BNC2: variants seen among roughly 807,000 people sequenced by gnomAD.
The protein encoded by BNC2 is zinc finger protein basonuclin-2.
BNC2 carries 20 observed loss-of-function variants against 76.3 expected under a neutral mutation model. The ratio of observed to expected loss-of-function variants is 0.26; its 90% CI spans 0.18 to 0.38. The LOEUF (loss-of-function observed/expected upper bound fraction) is 0.38, where lower values mean the gene tolerates loss of function less well. BNC2 is among the 10% of genes least tolerant of loss of function. The pLI is 1.00. For synonymous variants in BNC2, 582 were observed against 514.8 expected, an observed-to-expected ratio of 1.13 and a Z score of -1.77; for missense variants, 1,382 against 1,399.8, an observed-to-expected ratio of 0.99 and a Z score of 0.20.
chr9:16,475,475 G>A lies in BNC2; in HGVS notation c.670-37951C>T, dbSNP rs534938844. On this transcript the variant is annotated intron_variant, in intron 5 of 6. Transcript: ENST00000380672. ...GAAGACGCAAAACCATTAGCATTAC[G>A]CTACAGCTCACTTAAGCATCCACTC... Among the ~76,000 whole-genome samples, 22 of 150,438 alleles carry A rather than the reference G, an allele frequency of 1.5e-4. No homozygotes were observed. In the South Asian group the frequency reaches 4.4e-3, roughly 30 times the overall value.
chr9:16,626,656 A>G (rs1354657703), intron 3 of BNC2, among the ~76,000 whole-genome samples: 1 of 152,118 alleles, frequency 6.6e-6, no homozygotes, highest in African/African-American at 2.4e-5. Flanking sequence ...CTTCTTGCCT[A>G]GCCTACGAAA....
chr9:16,655,187 A>G (rs565478798), intron 3 of BNC2, among the ~76,000 whole-genome samples: 1 of 152,116 alleles, frequency 6.6e-6, no homozygotes, highest in South Asian at 2.1e-4. Context: ...TGGGGGAGGG[A>G]AAATCATTAC....
chr9:16,615,157 A>C (rs1820664855), intron 3 of BNC2, among the ~76,000 whole-genome samples: 1 of 152,166 alleles, frequency 6.6e-6, no homozygotes. Flanking sequence ...TGCCATAATT[A>C]ACGAATGGTG....
At chr9:16,421,144 C>T in intron 6 of BNC2, 1 of 474,070 alleles carries the variant, frequency 2.1e-6, no homozygotes, top group Non-Finnish European at 3.2e-6. Context: ...GCCTCAGAGA[C>T]AAGAAAGGTG....
intron 3 of BNC2, among the ~76,000 whole-genome samples, chr9:16,598,976 TAAC>T (rs1289693398): frequency 8.5e-5 from 13 of 152,138 alleles, no homozygotes; most frequent in African/African-American, 2.9e-4. Context: ...ATGAATAAAT[TAAC>T]AACAAAAGTA....
chr9:16,685,334 T>C (rs1184946216), intron 3 of BNC2, among the ~76,000 whole-genome samples: 2 of 152,260 alleles, frequency 1.3e-5, no homozygotes, highest in African/African-American at 4.8e-5. Flanking sequence ...ACAGTATGTA[T>C]ATATGTCTTG....
intron 5 of BNC2, among the ~76,000 whole-genome samples, chr9:16,449,256 C>A (rs77677727): frequency 0.014 from 2,131 of 152,312 alleles, 24 homozygotes; most frequent in Non-Finnish European, 0.023. Flanking sequence ...ATTTGGAGAG[C>A]TGCAAACGTG....
At chr9:16,542,059 C>G (rs1419865649) in intron 5 of BNC2, among the ~76,000 whole-genome samples, 1 of 151,994 alleles carries the variant, frequency 6.6e-6, no homozygotes, top group East Asian at 1.9e-4. Flanking sequence ...AATACAGTAA[C>G]CACATTACTC....
In BNC2 at chr9:16,552,602, T is replaced by C; in HGVS notation, c.597A>G (p.Gln199=). The change falls in exon 5 of 7, where the codon CAA becomes CAG. Residue 199 remains glutamine, a synonymous_variant. Transcript: ENST00000380672. ...LLDRLFSVLK[Q]EEVLHILHGL... The stretch of plus-strand genomic sequence containing the variant: ...CGTGCAGTATGTGCAGTACCTCCTC[T>C]TGCTTCAGGACGCTGAAGAGACGGT... 1 of 1,614,226 alleles carries C rather than the reference T, an allele frequency of 6.2e-7. No homozygotes were observed. Among genetic ancestry groups the C allele is most frequent in the African/African-American group, 1.3e-5 (1 of 75,064 alleles).
chr9:16,576,733 A>G (rs1436470196), intron 4 of BNC2, among the ~76,000 whole-genome samples: 1 of 152,190 alleles, frequency 6.6e-6, no homozygotes, highest in Admixed American at 6.6e-5. Context: ...GATATAATCA[A>G]CAGCTTTTTT....
chr9:16,794,389 T>A (rs938552463), intron 1 of BNC2, among the ~76,000 whole-genome samples: 1 of 152,192 alleles, frequency 6.6e-6, no homozygotes, highest in African/African-American at 2.4e-5. Flanking sequence ...TCCTGTCTGT[T>A]CATTAAGACC....
chr9:16,620,191 G>C (rs887746413), intron 3 of BNC2, among the ~76,000 whole-genome samples: 2 of 152,142 alleles, frequency 1.3e-5, no homozygotes, highest in South Asian at 4.1e-4. Flanking sequence ...CAGAGCCAAA[G>C]GGAGAGAAAA....
intron 3 of BNC2, among the ~76,000 whole-genome samples, chr9:16,715,364 T>C (rs544540489): frequency 6.6e-6 from 1 of 152,244 alleles, no homozygotes; most frequent in African/African-American, 2.4e-5. Context: ...ACTTTTTTTC[T>C]AATCACAGGG....
chr9:16,557,083 G>A (rs577277417), intron 4 of BNC2, among the ~76,000 whole-genome samples: 6 of 152,200 alleles, frequency 3.9e-5, no homozygotes, highest in East Asian at 1.9e-4. Flanking sequence ...GGCCAATGGC[G>A]CTGTGGAAAA....
At chr9:16,586,771 T>C (rs1313909592) in intron 3 of BNC2, among the ~76,000 whole-genome samples, 1 of 152,170 alleles carries the variant, frequency 6.6e-6, no homozygotes, top group African/African-American at 2.4e-5. Context: ...GGGAAGTGGA[T>C]GGCAGTGTCC....
chr9:16,730,653 G>A (rs569190021), intron 2 of BNC2, among the ~76,000 whole-genome samples: 4 of 152,128 alleles, frequency 2.6e-5, no homozygotes, highest in Non-Finnish European at 5.9e-5. Context: ...ATGCTACCCA[G>A]TATAGGCAAA....
intron 3 of BNC2, among the ~76,000 whole-genome samples, chr9:16,701,226 T>C (rs1823502520): frequency 6.6e-6 from 1 of 152,220 alleles, no homozygotes; most frequent in South Asian, 2.1e-4. Context: ...TCATAAAATT[T>C]AATTTGAAAG....
At chr9:16,448,301 C>T (rs966694881) in intron 5 of BNC2, among the ~76,000 whole-genome samples, 5 of 152,020 alleles carry the variant, frequency 3.3e-5, no homozygotes, top group Non-Finnish European at 7.4e-5. Flanking sequence ...ATATGCTTTT[C>T]CACAATGTCT....
intron 3 of BNC2, among the ~76,000 whole-genome samples, chr9:16,657,795 A>G (rs898379664): frequency 4.6e-5 from 7 of 152,210 alleles, no homozygotes; most frequent in Non-Finnish European, 8.8e-5. Flanking sequence ...CAATGACATT[A>G]CATCATATCA....
Sources: allele counts gnomAD v4.1 joint callset (sites outside exome capture counted in the v4.1 genomes callset), GRCh38; gene constraint gnomAD v4.1.1; transcripts MANE v1.5; gene names NCBI Gene and HGNC (gene_info 2026-07-23, HGNC 2026-07-21).